Variants in NCKAP5 observed in about 807,000 individuals in gnomAD.
NCKAP5 encodes NCK associated protein 5.
Under a neutral mutation model 167.0 loss-of-function variants are expected in NCKAP5, and 92 were observed. That is an observed-to-expected ratio of 0.55 (90% confidence interval 0.47 to 0.66). The LOEUF (loss-of-function observed/expected upper bound fraction) is 0.66. Among genes scored for constraint, NCKAP5 ranks in the 30% least tolerant of loss-of-function variants. The pLI is 0.00. For synonymous variants in NCKAP5, 891 were observed against 877.4 expected (o/e 1.02, Z -0.27); for missense variants, 2,378 against 2,315.0 (o/e 1.03, Z -0.56).
intron 4 of NCKAP5, among the ~76,000 whole-genome samples, chr2:133,289,726 C>CA (rs34917850): frequency 9.1e-4 from 94 of 102,860 alleles, no homozygotes; most frequent in African/African-American, 2.5e-3. Context: ...AACAAACAAA[C>CA]AAAAAAAAAC....
rs555610948 is a variant in NCKAP5, at chr2:133,094,916, C to T, written c.341+35062G>A. Among the ~76,000 whole-genome samples the T allele has an allele frequency of 1.9e-4, 29 of 152,106 alleles. No individual in the cohort carries two copies. The East Asian group carries it at 5.6e-3, about 29-fold the overall frequency. On this transcript the variant is annotated intron_variant, in intron 6 of 19. Coordinates refer to ENST00000409261, the MANE Select transcript of NCKAP5 (RefSeq NM_207363.3). ...ATGACCCCTAGAAGTTTAGAGTAGC[C>T]CCCTCTGAGAGCAAGAAAATGGGGA... is the stretch of plus-strand genomic sequence containing the variant.
chr2:133,397,286 T>C (rs1234117522), intron 3 of NCKAP5, among the ~76,000 whole-genome samples: 2 of 152,244 alleles, frequency 1.3e-5, no homozygotes, highest in African/African-American at 4.8e-5. Context: ...ATCTTTCTTA[T>C]GGCCTCTTTT....
chr2:133,633,571 G>T, the NCKAP5 span, among the ~76,000 whole-genome samples: 7 of 152,218 alleles, frequency 4.6e-5, no homozygotes, highest in Non-Finnish European at 1.0e-4. Context: ...CACACAGATA[G>T]GGAGGTATGA....
At chr2:133,283,250 G>T (rs1018866519) in intron 4 of NCKAP5, among the ~76,000 whole-genome samples, 7 of 152,120 alleles carry the variant, frequency 4.6e-5, no homozygotes, top group Admixed American at 3.9e-4. Flanking sequence ...CCAGGAAAAT[G>T]GGTAAGATTG....
chr2:132,714,592 C>T (rs577431364), intron 19 of NCKAP5, among the ~76,000 whole-genome samples: 4 of 151,830 alleles, frequency 2.6e-5, no homozygotes, highest in South Asian at 2.1e-4. Context: ...CCGAGGCTGG[C>T]GGATCACCTG....
intron 6 of NCKAP5, among the ~76,000 whole-genome samples, chr2:133,077,112 GA>G (rs571956550): frequency 2.0e-5 from 3 of 151,516 alleles, no homozygotes; most frequent in South Asian, 2.1e-4. Flanking sequence ...AATTCAACAT[GA>G]AAAAAAATAG....
At chr2:132,930,737 A>G (rs1422210028) in intron 8 of NCKAP5, 3 of 152,118 alleles carry the variant, frequency 2.0e-5, no homozygotes, top group Non-Finnish European at 4.4e-5. Context: ...TATATATCCT[A>G]TAGTTTCTGT....
chr2:133,643,298 A>G, the NCKAP5 span, among the ~76,000 whole-genome samples: 1 of 152,198 alleles, frequency 6.6e-6, no homozygotes, highest in African/African-American at 2.4e-5. Flanking sequence ...ACTCAGTAGG[A>G]AAGTGCCATG....
chr2:133,402,207 T>C (rs188460697), intron 3 of NCKAP5, among the ~76,000 whole-genome samples: 3 of 152,258 alleles, frequency 2.0e-5, no homozygotes, highest in Admixed American at 1.3e-4. Context: ...TGTATAGTTT[T>C]AGTGAAGACA....
intron 3 of NCKAP5, among the ~76,000 whole-genome samples, chr2:133,380,296 G>T (rs1686427376): frequency 6.6e-6 from 1 of 151,916 alleles, no homozygotes; most frequent in South Asian, 2.1e-4. Context: ...ATGCATTTCT[G>T]CATTGTCTAC....
chr2:132,690,525 A>AG (rs1357440721), intron 19 of NCKAP5, among the ~76,000 whole-genome samples: 1 of 152,230 alleles, frequency 6.6e-6, no homozygotes, highest in Non-Finnish European at 1.5e-5. Flanking sequence ...AATATGCCCT[A>AG]GGAACTCAGC....
intron 9 of NCKAP5, among the ~76,000 whole-genome samples, chr2:132,877,738 C>T (rs554516658): frequency 5.9e-4 from 90 of 152,192 alleles, no homozygotes; most frequent in African/African-American, 2.0e-3. Flanking sequence ...TATAGATCAT[C>T]CCATTGACTT....
the NCKAP5 span, among the ~76,000 whole-genome samples, chr2:133,646,771 AG>A: frequency 1.6e-3 from 242 of 152,308 alleles, no homozygotes; most frequent in African/African-American, 5.7e-3. Flanking sequence ...AAATAATGAT[AG>A]CCAAAAATAT....
At chr2:133,476,137 T>G (rs1331344617) in intron 3 of NCKAP5, among the ~76,000 whole-genome samples, 1 of 152,206 alleles carries the variant, frequency 6.6e-6, no homozygotes, top group Non-Finnish European at 1.5e-5. Context: ...AAGTTAAAAG[T>G]TTTCGAATTA....
the NCKAP5 span, among the ~76,000 whole-genome samples, chr2:133,574,298 G>GACGACC: frequency 6.6e-6 from 1 of 151,782 alleles, no homozygotes; most frequent in South Asian, 2.1e-4. Flanking sequence ...AATAGTCCCA[G>GACGACC]ACGACCACGC....
rs148680151 is a variant in NCKAP5 at position 133,486,528 on chromosome 2, T to C, written c.69+30930A>G. 1.2e-4 allele frequency among the ~76,000 whole-genome samples: 19 copies of C among 152,290 alleles called. No homozygotes were observed. The East Asian group carries it at 3.1e-3, about 25-fold the overall frequency. On this transcript the variant is annotated intron_variant, in intron 3 of 19. Transcript: ENST00000409261. ...CAATCCCTCCTATACCTACCTGTGA[T>C]TTAAAGTAGGAAAGCCCTTAAACAT...
chr2:133,395,323 C>T (rs1687668139), intron 3 of NCKAP5, among the ~76,000 whole-genome samples: 1 of 152,144 alleles, frequency 6.6e-6, no homozygotes, highest in Non-Finnish European at 1.5e-5. Flanking sequence ...GATATGAGGG[C>T]AACTCTTCTC....
chr2:133,210,321 T>C (rs1476977592), intron 5 of NCKAP5, among the ~76,000 whole-genome samples: 1 of 151,858 alleles, frequency 6.6e-6, no homozygotes, highest in African/African-American at 2.4e-5. Context: ...TGCTTTGTAT[T>C]GAAGATTTTG....
chr2:133,377,362 G>C (rs1447700959), intron 3 of NCKAP5, among the ~76,000 whole-genome samples: 1 of 152,146 alleles, frequency 6.6e-6, no homozygotes, highest in African/African-American at 2.4e-5. Flanking sequence ...CATACAGGCT[G>C]GAATAAGCAT....
Sources: gnomAD v4.1 joint callset for allele counts (sites outside exome capture counted in the v4.1 genomes callset) on GRCh38, gnomAD v4.1.1 for gene constraint, MANE v1.5 for transcripts, NCBI Gene and HGNC (gene_info 2026-07-23, HGNC 2026-07-21) for gene names.